The following PRKG1 variants were observed in gnomAD, a reference collection of about 807,000 sequenced individuals.
PRKG1 encodes cGMP-dependent protein kinase 1.
Under a neutral mutation model 88.1 loss-of-function variants are expected in PRKG1, and 35 were observed. That is an observed-to-expected ratio of 0.40 (90% CI 0.30 to 0.53). PRKG1 has a LOEUF of 0.53. Among genes scored for constraint, PRKG1 ranks in the 20% least tolerant of loss-of-function variants. The probability of loss-of-function intolerance (pLI) is 0.59; values close to 1 mark genes in which losing one functional copy is unlikely to be tolerated. For missense variants in PRKG1, 540 were observed against 839.8 expected (o/e 0.64, Z 4.41); for synonymous variants, 303 against 292.5 (o/e 1.04, Z -0.37).
chr10:51,910,815 AAGG>A (rs1842199826), intron 5 of PRKG1: 1 of 152,270 alleles, frequency 6.6e-6, no homozygotes, highest in Admixed American at 6.5e-5. Context: ...TAAACAGGGC[AAGG>A]AGGAGACAAG....
At chr10:51,314,257 A>T (rs1841264818) in intron 2 of PRKG1, among the ~76,000 whole-genome samples, 2 of 152,156 alleles carry the variant, frequency 1.3e-5, no homozygotes, top group South Asian at 4.1e-4. Context: ...AACTACAAAC[A>T]TCCCTCAGAG....
chr10:51,727,243 C>G (rs1224643229), intron 3 of PRKG1, among the ~76,000 whole-genome samples: 1 of 150,594 alleles, frequency 6.6e-6, no homozygotes, highest in African/African-American at 2.4e-5. Context: ...GAGTTTCAGA[C>G]CAGCCTGGGC....
intron 3 of PRKG1, among the ~76,000 whole-genome samples, chr10:51,600,015 T>C (rs1838556782): frequency 6.6e-6 from 1 of 152,228 alleles, no homozygotes; most frequent in South Asian, 2.1e-4. Context: ...AGAAGAAAGA[T>C]AACAGTTGAT....
intron 9 of PRKG1, among the ~76,000 whole-genome samples, chr10:52,163,303 C>A (rs1455643660): frequency 2.0e-5 from 3 of 147,356 alleles, no homozygotes; most frequent in African/African-American, 7.4e-5. Context: ...ATATAATTTA[C>A]ATATAGTATA....
At chr10:51,512,458 T>C (rs1841446477) in intron 3 of PRKG1, among the ~76,000 whole-genome samples, 1 of 139,056 alleles carries the variant, frequency 7.2e-6, no homozygotes, top group South Asian at 2.5e-4. Context: ...GGTTTTTTGT[T>C]CTTGCGATAG....
intron 8 of PRKG1, among the ~76,000 whole-genome samples, chr10:52,158,227 AAAT>A (rs1488627767): frequency 6.6e-6 from 1 of 151,686 alleles, no homozygotes; most frequent in Admixed American, 6.6e-5. Context: ...TAAAACTCAT[AAAT>A]AATATTTTCT....
chr10:52,276,442 C>T (rs1373979912), intron 12 of PRKG1, among the ~76,000 whole-genome samples: 1 of 152,146 alleles, frequency 6.6e-6, no homozygotes, highest in Admixed American at 6.6e-5. Flanking sequence ...AGATGCTTAG[C>T]TCCTGTTACA....
chr10:51,234,350 A>T (rs1035004912), intron 2 of PRKG1, among the ~76,000 whole-genome samples: 11 of 152,180 alleles, frequency 7.2e-5, no homozygotes, highest in Non-Finnish European at 1.3e-4. Context: ...TTCTGCCCAG[A>T]TTGCACTGAA....
At chr10:51,393,225 GC>G (rs1837483943) in intron 2 of PRKG1, among the ~76,000 whole-genome samples, 1 of 150,768 alleles carries the variant, frequency 6.6e-6, no homozygotes, top group East Asian at 2.0e-4. Flanking sequence ...CCCAGACAGG[GC>G]GGCGGGGCAG....
At chr10:51,686,404 C>T (rs1434587969) in intron 3 of PRKG1, among the ~76,000 whole-genome samples, 2 of 152,148 alleles carry the variant, frequency 1.3e-5, no homozygotes, top group Non-Finnish European at 2.9e-5. Context: ...ATATGGTTTT[C>T]TGTTCCTGTG....
chr10:51,244,393 A>C (rs1554850869), intron 2 of PRKG1, among the ~76,000 whole-genome samples: 6 of 148,896 alleles, frequency 4.0e-5, no homozygotes, highest in Non-Finnish European at 1.5e-5. Flanking sequence ...TCTCAATATC[A>C]TTTCTGAGGT....
chr10:52,107,038 G>C (rs1009662038), intron 7 of PRKG1, among the ~76,000 whole-genome samples: 4 of 152,198 alleles, frequency 2.6e-5, no homozygotes, highest in Admixed American at 2.6e-4. Context: ...ATCCTCCATA[G>C]TCAGTGAGAA....
At chr10:51,424,757 T>C (rs187538058) in intron 2 of PRKG1, among the ~76,000 whole-genome samples, 101 of 152,260 alleles carry the variant, frequency 6.6e-4, no homozygotes, top group African/African-American at 2.1e-3. Flanking sequence ...GATGACACCA[T>C]ATTGCTTTTT....
At chr10:51,781,677 A>G (rs902836390) in intron 3 of PRKG1, among the ~76,000 whole-genome samples, 6 of 152,128 alleles carry the variant, frequency 3.9e-5, no homozygotes, top group Non-Finnish European at 7.4e-5. Flanking sequence ...TTAAGTAGTC[A>G]CAGCTGGAAT....
intron 1 of PRKG1, among the ~76,000 whole-genome samples, chr10:51,100,515 A>G (rs1233301143): frequency 1.3e-5 from 2 of 152,220 alleles, no homozygotes; most frequent in Admixed American, 1.3e-4. Context: ...TGAAGTACAA[A>G]TATCTCCTTG....
At chr10:51,527,174 T>C (rs867288859) in intron 3 of PRKG1, among the ~76,000 whole-genome samples, 2 of 152,122 alleles carry the variant, frequency 1.3e-5, no homozygotes, top group African/African-American at 4.8e-5. Context: ...GTGAAACATA[T>C]GACTTTATAA....
chr10:52,072,117 T>C (rs1846511424), intron 7 of PRKG1, among the ~76,000 whole-genome samples: 1 of 148,860 alleles, frequency 6.7e-6, no homozygotes, highest in African/African-American at 2.5e-5. Flanking sequence ...TTGGGACCCT[T>C]CTCTTTCCAG....
intron 5 of PRKG1, among the ~76,000 whole-genome samples, chr10:51,954,050 A>G (rs1461068107): frequency 1.3e-5 from 2 of 152,112 alleles, no homozygotes; most frequent in African/African-American, 4.8e-5. Flanking sequence ...AACCAGACCT[A>G]TTTTTCTATC....
At chr10:51,044,882 T>G (rs10995473) in intron 1 of PRKG1, among the ~76,000 whole-genome samples, 7 of 152,178 alleles carry the variant, frequency 4.6e-5, no homozygotes, top group African/African-American at 1.7e-4. Context: ...TTTATCATGA[T>G]GCCTTTTTCT....
Sources: gnomAD v4.1 joint callset for allele counts (sites outside exome capture counted in the v4.1 genomes callset) on GRCh38, gnomAD v4.1.1 for gene constraint, MANE v1.5 for transcripts, NCBI Gene and HGNC (gene_info 2026-07-23, HGNC 2026-07-21) for gene names.